Variants in WDPCP observed in about 807,000 individuals in gnomAD.
The protein encoded by WDPCP is WD repeat-containing and planar cell polarity effector protein fritz homolog.
WDPCP carries 71 observed loss-of-function variants against 93.1 expected under a neutral mutation model. The observed-to-expected ratio is 0.76, with a 90% CI of 0.63 to 0.93. The LOEUF is 0.93. Among genes scored for constraint, WDPCP ranks in the 40% least tolerant of loss-of-function variants. The probability of loss-of-function intolerance (pLI) is 0.00; values close to 1 mark genes in which losing one functional copy is unlikely to be tolerated. For synonymous variants in WDPCP, 315 were observed against 315.0 expected, an observed-to-expected ratio of 1.00 and a Z score of 0.00; for missense variants, 844 against 887.4, an observed-to-expected ratio of 0.95 and a Z score of 0.62.
intron 17 of WDPCP, among the ~76,000 whole-genome samples, chr2:63,147,274 G>A (rs1309052224): frequency 6.6e-6 from 1 of 152,146 alleles, no homozygotes; most frequent in Non-Finnish European, 1.5e-5. Context: ...GGTGGTGGTG[G>A]TGGTAGTGGG....
chr2:63,784,571 A>AGTGTGTGTGT (rs57680590), intron 2 of WDPCP, among the ~76,000 whole-genome samples: 20 of 145,746 alleles, frequency 1.4e-4, no homozygotes, highest in Middle Eastern at 3.5e-3. Flanking sequence ...CTCTAGCTGG[A>AGTGTGTGTGT]GTGTGTGTGT....
rs1277209348 is a variant in WDPCP at position 63,378,321 on chromosome 2, T to C, written c.1748+65A>G. The C allele has an allele frequency of 3.7e-6, 6 of 1,606,000 alleles. No individual in the cohort carries two copies. The East Asian group carries it at 1.3e-4, about 36-fold the overall frequency. On this transcript the variant is annotated intron_variant, in intron 12 of 17. Coordinates refer to ENST00000272321, the MANE Select transcript of WDPCP (RefSeq NM_015910.7). ...TAGCCTTACTATGGAATATTTTAAT[T>C]AAAGAGGATGTCTCCTGAAATAAGT...
intron 2 of WDPCP, among the ~76,000 whole-genome samples, chr2:63,797,588 G>C (rs1386114041): frequency 6.7e-6 from 1 of 150,116 alleles, no homozygotes; most frequent in Non-Finnish European, 1.5e-5. Flanking sequence ...TTGAGACTTG[G>C]TCTCAAAAAA....
intron 2 of WDPCP, among the ~76,000 whole-genome samples, chr2:63,791,106 C>T (rs763763635): frequency 3.9e-5 from 6 of 152,190 alleles, no homozygotes; most frequent in Non-Finnish European, 8.8e-5. Flanking sequence ...CTGCCTGACT[C>T]ACCAGGGAGA....
intron 3 of WDPCP, among the ~76,000 whole-genome samples, chr2:63,602,603 G>A (rs1222049308): frequency 6.6e-6 from 1 of 151,972 alleles, no homozygotes; most frequent in Non-Finnish European, 1.5e-5. Flanking sequence ...TTAATTACAA[G>A]TGTAGATTCC....
At chr2:63,579,861 T>C (rs1024621922) in intron 1 of WDPCP, among the ~76,000 whole-genome samples, 4 of 152,186 alleles carry the variant, frequency 2.6e-5, no homozygotes, top group African/African-American at 7.2e-5. Flanking sequence ...TGTAATAGTA[T>C]TAAAAGGTGG....
intron 10 of WDPCP, among the ~76,000 whole-genome samples, chr2:63,387,483 G>A (rs1692838024): frequency 6.6e-6 from 1 of 151,928 alleles, no homozygotes; most frequent in Non-Finnish European, 1.5e-5. Context: ...GGTATTGAAG[G>A]AATATACATC....
intron 13 of WDPCP, among the ~76,000 whole-genome samples, chr2:63,296,734 A>T (rs1684892926): frequency 6.6e-6 from 1 of 152,212 alleles, no homozygotes; most frequent in Admixed American, 6.5e-5. Flanking sequence ...ATATTTAACC[A>T]AGGATGTGAA....
At chr2:63,513,585 C>T (rs1702372118) in intron 1 of WDPCP, among the ~76,000 whole-genome samples, 1 of 152,120 alleles carries the variant, frequency 6.6e-6, no homozygotes, top group South Asian at 2.1e-4. Flanking sequence ...GTCATAGACA[C>T]TAGAACTCCT....
intron 2 of WDPCP, among the ~76,000 whole-genome samples, chr2:63,754,294 T>G (rs1255637047): frequency 2.0e-5 from 3 of 152,192 alleles, no homozygotes; most frequent in Admixed American, 6.5e-5. Context: ...GGATAGAAGA[T>G]TTAACCAAGT....
At chr2:63,621,466 G>C (rs562428335) in intron 3 of WDPCP, among the ~76,000 whole-genome samples, 1 of 151,926 alleles carries the variant, frequency 6.6e-6, no homozygotes, top group Non-Finnish European at 1.5e-5. Flanking sequence ...GTGAAGACAA[G>C]ATTAGAGAAT....
chr2:63,583,114 G>A (rs1384388182), intron 1 of WDPCP, among the ~76,000 whole-genome samples: 2 of 152,152 alleles, frequency 1.3e-5, no homozygotes, highest in Non-Finnish European at 2.9e-5. Context: ...AAGTAAAGTG[G>A]TCAGGAAAGG....
At chr2:63,823,003 C>G (rs1164925519) in intron 1 of WDPCP, among the ~76,000 whole-genome samples, 1 of 151,348 alleles carries the variant, frequency 6.6e-6, no homozygotes, top group African/African-American at 2.4e-5. Flanking sequence ...AAAAATGGCA[C>G]AACAAATAAC....
chr2:63,735,802 G>T (rs184520614), intron 2 of WDPCP, among the ~76,000 whole-genome samples: 1 of 152,230 alleles, frequency 6.6e-6, no homozygotes, highest in African/African-American at 2.4e-5. Context: ...GTTCCAGAAA[G>T]CTAAATTCTA....
At chr2:63,396,304 C>A (rs1440171273) in intron 10 of WDPCP, among the ~76,000 whole-genome samples, 1 of 152,044 alleles carries the variant, frequency 6.6e-6, no homozygotes, top group Non-Finnish European at 1.5e-5. Flanking sequence ...TGCTTTGTAC[C>A]AAATTTCCAA....
At chr2:63,390,133 G>A (rs1319285916) in intron 10 of WDPCP, among the ~76,000 whole-genome samples, 2 of 151,922 alleles carry the variant, frequency 1.3e-5, no homozygotes, top group African/African-American at 2.4e-5. Context: ...TAAAATTGAC[G>A]ACATAATTAG....
At chr2:63,531,085 C>T (rs1295427201) in intron 1 of WDPCP, among the ~76,000 whole-genome samples, 6 of 152,234 alleles carry the variant, frequency 3.9e-5, no homozygotes, top group African/African-American at 1.4e-4. Flanking sequence ...GCGCCTTGCT[C>T]ACTGCTAGCA....
chr2:63,748,592 T>A (rs1415478783), intron 2 of WDPCP, among the ~76,000 whole-genome samples: 2 of 152,112 alleles, frequency 1.3e-5, no homozygotes, highest in African/African-American at 4.8e-5. Flanking sequence ...TGATATATTA[T>A]CTCATACCCA....
intron 1 of WDPCP, among the ~76,000 whole-genome samples, chr2:63,815,914 A>AAT (rs1670927255): frequency 6.6e-6 from 1 of 150,606 alleles, no homozygotes; most frequent in Non-Finnish European, 1.5e-5. Context: ...TTTTCACTTT[A>AAT]ATCAGGTACT....
Sources: gnomAD v4.1 joint callset for allele counts (sites outside exome capture counted in the v4.1 genomes callset) on GRCh38, gnomAD v4.1.1 for gene constraint, MANE v1.5 for transcripts, NCBI Gene and HGNC (gene_info 2026-07-23, HGNC 2026-07-21) for gene names.